Variants in MIPOL1 observed in about 807,000 individuals in gnomAD.
MIPOL1 encodes mirror-image polydactyly gene 1 protein.
A neutral mutation model predicts 60.9 loss-of-function variants in MIPOL1; 57 were observed. The observed-to-expected ratio is 0.94, with a 90% CI of 0.76 to 1.17. The LOEUF (loss-of-function observed/expected upper bound fraction) is 1.17. MIPOL1 is among the 50% of genes most tolerant of loss of function. The pLI is 0.00. For missense variants in MIPOL1, 551 were observed against 511.6 expected, an observed-to-expected ratio of 1.08 and a Z score of -0.74; for synonymous variants, 179 against 168.8, an observed-to-expected ratio of 1.06 and a Z score of -0.47.
At chr14:37,198,553 G>C (rs767804898) in intron 1 of MIPOL1, among the ~76,000 whole-genome samples, 2 of 151,810 alleles carry the variant, frequency 1.3e-5, no homozygotes, top group Non-Finnish European at 2.9e-5. Context: ...AGCGCGCTAA[G>C]CCATGCTGTA....
chr14:37,214,695 G>C (rs1967286759), intron 1 of MIPOL1, among the ~76,000 whole-genome samples: 1 of 152,154 alleles, frequency 6.6e-6, no homozygotes, highest in African/African-American at 2.4e-5. Flanking sequence ...GGGACATGGT[G>C]AGAAGTGACC....
chr14:37,247,969 T>A, intron 3 of MIPOL1, 62 bp downstream of exon 3: 1 of 1,564,226 alleles, frequency 6.4e-7, no homozygotes, highest in Non-Finnish European at 8.8e-7. Flanking sequence ...AGGCACTGAG[T>A]GAAGTGTGTT....
chr14:37,305,484 G>C (rs1317575209), intron 7 of MIPOL1, among the ~76,000 whole-genome samples: 1 of 151,762 alleles, frequency 6.6e-6, no homozygotes, highest in Non-Finnish European at 1.5e-5. Context: ...GAATTTAGTA[G>C]CTATGATAAG....
chr14:37,309,267 C>T (rs1239757578), intron 9 of MIPOL1, among the ~76,000 whole-genome samples: 1 of 151,988 alleles, frequency 6.6e-6, no homozygotes, highest in Non-Finnish European at 1.5e-5. Flanking sequence ...CCACACCTGG[C>T]CTTGTTAGTG....
chr14:37,249,779 CTTCTT>C (rs757712813), intron 3 of MIPOL1, among the ~76,000 whole-genome samples: 27 of 152,024 alleles, frequency 1.8e-4, no homozygotes, highest in South Asian at 6.2e-4. Context: ...AGCAGATACT[CTTCTT>C]TTAAAGAGCT....
intron 11 of MIPOL1, among the ~76,000 whole-genome samples, chr14:37,454,304 T>C (rs990838253): frequency 6.6e-6 from 1 of 152,204 alleles, no homozygotes; most frequent in Non-Finnish European, 1.5e-5. Flanking sequence ...CCAATCTTAA[T>C]TGGCAGTCTT....
At chr14:37,341,946 A>C (rs1433402384) in intron 9 of MIPOL1, among the ~76,000 whole-genome samples, 2 of 152,212 alleles carry the variant, frequency 1.3e-5, no homozygotes, top group Non-Finnish European at 2.9e-5. Context: ...TTCTCTTCAA[A>C]ATGGTATAAT....
chr14:37,284,068 A>G (rs1363196956), intron 6 of MIPOL1, among the ~76,000 whole-genome samples: 1 of 152,138 alleles, frequency 6.6e-6, no homozygotes, highest in Admixed American at 6.5e-5. Flanking sequence ...CATACAAACA[A>G]TAAAATTATG....
intron 9 of MIPOL1, among the ~76,000 whole-genome samples, chr14:37,347,675 T>A (rs979040646): frequency 6.6e-6 from 1 of 152,160 alleles, no homozygotes; most frequent in Non-Finnish European, 1.5e-5. Flanking sequence ...TGGAAGACGT[T>A]AAAGCAACCA....
At chr14:37,348,961 G>T (rs1204790327) in intron 9 of MIPOL1, among the ~76,000 whole-genome samples, 1 of 147,906 alleles carries the variant, frequency 6.8e-6, no homozygotes, top group Admixed American at 6.8e-5. Flanking sequence ...CGTACAGGCG[G>T]TGCCACCATG....
chr14:37,398,468 G>T (rs1295940421), intron 10 of MIPOL1, among the ~76,000 whole-genome samples: 5 of 152,056 alleles, frequency 3.3e-5, no homozygotes, highest in Non-Finnish European at 7.4e-5. Context: ...ATCCGAGTAG[G>T]AGCTGCAATG....
chr14:37,467,849 T>G (rs1035471628), intron 11 of MIPOL1, among the ~76,000 whole-genome samples: 1 of 151,340 alleles, frequency 6.6e-6, no homozygotes, highest in African/African-American at 2.4e-5. Context: ...AGGTCAGGAG[T>G]TGAAGACCAG....
intron 10 of MIPOL1, among the ~76,000 whole-genome samples, chr14:37,388,154 G>GGAT (rs1457367497): frequency 6.6e-6 from 1 of 151,108 alleles, no homozygotes; most frequent in Non-Finnish European, 1.5e-5. Flanking sequence ...ATCTTAGAAA[G>GGAT]GATAAAAAAA....
At chr14:37,343,482 C>T (rs1185039488) in intron 9 of MIPOL1, among the ~76,000 whole-genome samples, 1 of 152,114 alleles carries the variant, frequency 6.6e-6, no homozygotes, top group Admixed American at 6.6e-5. Context: ...AGTTTGGTTT[C>T]TGTTTTGACT....
At chr14:37,228,625 C>A (rs1189509851) in intron 1 of MIPOL1, among the ~76,000 whole-genome samples, 2 of 152,126 alleles carry the variant, frequency 1.3e-5, no homozygotes, top group Admixed American at 1.3e-4. Context: ...GTAGTTCTTT[C>A]TTTAGGAAGC....
chr14:37,387,505 A>G (rs1030240588), intron 10 of MIPOL1, among the ~76,000 whole-genome samples: 13 of 152,014 alleles, frequency 8.6e-5, no homozygotes, highest in Non-Finnish European at 1.6e-4. Flanking sequence ...AGAACCTCAG[A>G]TTGTTGAACT....
chr14:37,444,729 G>A (rs887639595), intron 11 of MIPOL1, among the ~76,000 whole-genome samples: 3 of 152,120 alleles, frequency 2.0e-5, no homozygotes, highest in Admixed American at 1.3e-4. Context: ...TATCCACCAT[G>A]ACCAAGTGGG....
chr14:37,432,023 C>T (rs1427986354), intron 11 of MIPOL1, among the ~76,000 whole-genome samples: 1 of 152,118 alleles, frequency 6.6e-6, no homozygotes, highest in African/African-American at 2.4e-5. Flanking sequence ...TTGTGCACTC[C>T]CAAAATAGAT....
chr14:37,399,324 G>A (rs989553241), intron 10 of MIPOL1, among the ~76,000 whole-genome samples: 4 of 152,148 alleles, frequency 2.6e-5, no homozygotes, highest in Non-Finnish European at 2.9e-5. Context: ...TGCCCTATGA[G>A]ATTCCATCTT....
Sources: gnomAD v4.1 joint callset for allele counts (sites outside exome capture counted in the v4.1 genomes callset) on GRCh38, gnomAD v4.1.1 for gene constraint, MANE v1.5 for transcripts, NCBI Gene and HGNC (gene_info 2026-07-23, HGNC 2026-07-21) for gene names.